GALNT7: variants seen among roughly 807,000 people sequenced by gnomAD.
The protein encoded by GALNT7 is polypeptide N-acetylgalactosaminyltransferase 7, also known as N-acetylgalactosaminyltransferase 7.
Under a neutral mutation model 82.1 loss-of-function variants are expected in GALNT7, and 60 were observed. The observed-to-expected ratio is 0.73, with a 90% CI of 0.59 to 0.91. The LOEUF is 0.91. GALNT7 is among the 40% of genes least tolerant of loss of function. GALNT7 has a pLI of 0.00. For synonymous variants in GALNT7, 243 were observed against 275.1 expected (o/e 0.88, Z 1.15); for missense variants, 660 against 804.2 (o/e 0.82, Z 2.17).
chr4:173,178,007 C>G (rs867386165), intron 1 of GALNT7, among the ~76,000 whole-genome samples: 3 of 137,726 alleles, frequency 2.2e-5, no homozygotes, highest in Non-Finnish European at 3.1e-5. Context: ...ATCCGCAAGT[C>G]TGTGTGTGTG....
chr4:173,192,203 C>T (rs1462768844), intron 1 of GALNT7, among the ~76,000 whole-genome samples: 3 of 152,134 alleles, frequency 2.0e-5, no homozygotes, highest in Non-Finnish European at 4.4e-5. Context: ...TGTATATTTA[C>T]CAGTTACTAT....
chr4:173,267,724 A>T, intron 2 of GALNT7, among the ~76,000 whole-genome samples: 1 of 152,184 alleles, frequency 6.6e-6, no homozygotes, highest in East Asian at 1.9e-4. Flanking sequence ...TGAGCATGAT[A>T]TTGAGCATTT....
intron 2 of GALNT7, among the ~76,000 whole-genome samples, chr4:173,257,490 A>C (rs966351712): frequency 6.6e-6 from 1 of 152,190 alleles, no homozygotes. Context: ...TGAAAGTGCT[A>C]AGAAGGAAAA....
chr4:173,170,508 C>T (rs1731826753), intron 1 of GALNT7, among the ~76,000 whole-genome samples: 2 of 152,148 alleles, frequency 1.3e-5, no homozygotes, highest in Non-Finnish European at 2.9e-5. Flanking sequence ...AGTGGAATCC[C>T]TTTGTAATAT....
chr4:173,219,245 G>A (rs1042602900), intron 1 of GALNT7, among the ~76,000 whole-genome samples: 1 of 151,974 alleles, frequency 6.6e-6, no homozygotes, highest in Non-Finnish European at 1.5e-5. Context: ...CCATTCCTGA[G>A]TTACTTCACT....
At chr4:173,297,400 CCA>C (rs891830732) in intron 5 of GALNT7, among the ~76,000 whole-genome samples, 2 of 152,062 alleles carry the variant, frequency 1.3e-5, no homozygotes, top group African/African-American at 4.8e-5. Context: ...ATCTGTGACC[CCA>C]CACACACGCA....
intron 10 of GALNT7, 75 bp from the exon 11 acceptor site, chr4:173,318,356 A>C: frequency 8.8e-7 from 1 of 1,134,902 alleles, no homozygotes; most frequent in South Asian, 1.4e-5. Context: ...TATAGGAGTT[A>C]AGTTTCTTTC....
intron 1 of GALNT7, among the ~76,000 whole-genome samples, chr4:173,201,917 A>G (rs1468632949): frequency 1.3e-5 from 2 of 152,206 alleles, no homozygotes; most frequent in Non-Finnish European, 2.9e-5. Context: ...TCTTTTTGTC[A>G]ATAGATGCCT....
At chr4:173,223,318 A>G (rs1733701233) in intron 1 of GALNT7, among the ~76,000 whole-genome samples, 2 of 152,318 alleles carry the variant, frequency 1.3e-5, no homozygotes, top group South Asian at 4.1e-4. Context: ...ATGATTCAAT[A>G]CATATGGTGA....
intron 11 of GALNT7, among the ~76,000 whole-genome samples, chr4:173,321,111 G>A (rs1369447455): frequency 3.3e-5 from 5 of 152,126 alleles, no homozygotes; most frequent in Non-Finnish European, 5.9e-5. Context: ...CTATATTGAA[G>A]AAACCTACAG....
chr4:173,289,625 T>C (rs1054183522), intron 2 of GALNT7, among the ~76,000 whole-genome samples: 4 of 152,358 alleles, frequency 2.6e-5, no homozygotes, highest in Admixed American at 2.0e-4. Flanking sequence ...CTTCTCTTGT[T>C]TAACTGTGGG....
intron 1 of GALNT7, among the ~76,000 whole-genome samples, chr4:173,237,987 C>T (rs976454995): frequency 4.6e-5 from 7 of 152,090 alleles, no homozygotes; most frequent in Non-Finnish European, 1.0e-4. Flanking sequence ...TTAAGCCATT[C>T]CCCTTTCTCC....
At chr4:173,261,233 G>A (rs766586416) in intron 2 of GALNT7, among the ~76,000 whole-genome samples, 6 of 152,038 alleles carry the variant, frequency 3.9e-5, no homozygotes, top group Non-Finnish European at 8.8e-5. Flanking sequence ...CCTATCACAG[G>A]TGTACTCAGA....
chr4:173,237,270 A>T (rs1734265598), intron 1 of GALNT7, among the ~76,000 whole-genome samples: 1 of 152,192 alleles, frequency 6.6e-6, no homozygotes, highest in South Asian at 2.1e-4. Flanking sequence ...GTAAAGCCAC[A>T]CATTGCAATA....
rs372585788 is a variant in GALNT7, at chr4:173,228,550, G to A, written c.127-19430G>A. 3.2e-4 allele frequency among the ~76,000 whole-genome samples: 48 copies of A among 152,164 alleles called. 1 individual carries two copies. In the East Asian group the frequency reaches 5.6e-3, roughly 18 times the overall value. ...TAGATTGGCTAGTATACAGGCTGCA[G>A]TGAGCATTTCTGCATAATGTCTCTT... On this transcript the variant is annotated intron_variant, in intron 1 of 11. Coordinates refer to ENST00000265000, the MANE Select transcript of GALNT7 (RefSeq NM_017423.3).
intron 1 of GALNT7, among the ~76,000 whole-genome samples, chr4:173,190,015 A>G (rs899237143): frequency 6.6e-6 from 1 of 151,916 alleles, no homozygotes; most frequent in Non-Finnish European, 1.5e-5. Context: ...TTTCTCTTAC[A>G]TAAATACCCA....
At chr4:173,297,724 A>T in intron 5 of GALNT7, 3 of 644,622 alleles carry the variant, frequency 4.7e-6, no homozygotes, top group Non-Finnish European at 4.7e-6. Context: ...ACAAAAAGAG[A>T]TAACGTAGTT....
At chr4:173,241,374 A>G (rs527311985) in intron 1 of GALNT7, among the ~76,000 whole-genome samples, 9 of 152,332 alleles carry the variant, frequency 5.9e-5, no homozygotes, top group East Asian at 3.9e-4. Context: ...AGAGCCCAAG[A>G]CTTAAAACTT....
rs768436145 is a variant in GALNT7 at position 173,295,404 on chromosome 4, A to C, written c.763A>C (p.Lys255Gln). The C allele has an allele frequency of 1.9e-6, 3 of 1,580,910 alleles. No homozygotes were observed. Among genetic ancestry groups the C allele is most frequent in the Admixed American group, 1.7e-5 (1 of 59,748 alleles). ...TTGATTTTTCTTAACAGAACACTTA[A>C]AAGAAAAACTGGATGAATATATTAA... ...IDDFSNKEHL[K>Q]EKLDEYIKLW... The change falls in exon 4 of 12, where the codon AAA (lysine) becomes CAA (glutamine). Residue 255 changes from lysine (K) to glutamine (Q), a missense_variant. Transcript: ENST00000265000.
Sources: allele counts gnomAD v4.1 joint callset (sites outside exome capture counted in the v4.1 genomes callset), GRCh38; gene constraint gnomAD v4.1.1; transcripts MANE v1.5; gene names NCBI Gene and HGNC (gene_info 2026-07-23, HGNC 2026-07-21).